Variants in TMEM154 observed in about 807,000 individuals in gnomAD.
TMEM154 encodes transmembrane protein 154.
A neutral mutation model predicts 24.5 loss-of-function variants in TMEM154; 27 were observed. The ratio of observed to expected loss-of-function variants is 1.10; its 90% CI spans 0.81 to 1.52. The LOEUF (loss-of-function observed/expected upper bound fraction) is 1.52. TMEM154 is among the 40% of genes most tolerant of loss of function. The pLI is 0.00. For missense variants in TMEM154, 228 were observed against 213.4 expected (o/e 1.07, Z -0.43); for synonymous variants, 67 against 76.8 (o/e 0.87, Z 0.67).
At chr4:152,665,983 T>A (rs2149789007) in intron 1 of TMEM154, among the ~76,000 whole-genome samples, 1 of 151,944 alleles carries the variant, frequency 6.6e-6, no homozygotes, top group East Asian at 1.9e-4. Context: ...AAACAGGGAG[T>A]CTCACTTTGT....
intron 1 of TMEM154, among the ~76,000 whole-genome samples, chr4:152,664,377 C>A (rs9995061): frequency 2.9e-4 from 38 of 129,456 alleles, no homozygotes; most frequent in Admixed American, 1.2e-3. Flanking sequence ...CCTGTCGTGG[C>A]GGGGGGGTAC....
chr4:152,649,733 G>C lies in TMEM154; in HGVS notation c.364+2805C>G, dbSNP rs556901084. ...CCCCAGTGATGGGAAATGTTATACT[G>C]GCTTATTGGCTAAAATTATACAGGA... On this transcript the variant is annotated intron_variant, in intron 3 of 6. Transcript: ENST00000304385. Among the ~76,000 whole-genome samples the C allele has an allele frequency of 3.3e-5, 5 of 152,232 alleles. No individual in the cohort carries two copies. In the South Asian group the frequency reaches 1.0e-3, roughly 32 times the overall value.
At chr4:152,670,697 CATTT>C (rs1448156445) in intron 1 of TMEM154, among the ~76,000 whole-genome samples, 1 of 152,134 alleles carries the variant, frequency 6.6e-6, no homozygotes, top group African/African-American at 2.4e-5. Flanking sequence ...CTAAAAATAA[CATTT>C]ATCCAAGTAT....
intron 3 of TMEM154, among the ~76,000 whole-genome samples, chr4:152,645,553 G>A (rs1397411256): frequency 1.3e-5 from 2 of 152,198 alleles, no homozygotes; most frequent in Non-Finnish European, 2.9e-5. Context: ...GCATAGGCCT[G>A]CTGCACCATT....
At chr4:152,646,193 C>T (rs1045576875) in intron 3 of TMEM154, among the ~76,000 whole-genome samples, 2 of 152,072 alleles carry the variant, frequency 1.3e-5, no homozygotes, top group African/African-American at 4.8e-5. Context: ...ATGGCCCCAC[C>T]GTTGTGGGCA....
chr4:152,672,688 A>G (rs556963683), intron 1 of TMEM154, among the ~76,000 whole-genome samples: 26 of 152,112 alleles, frequency 1.7e-4, no homozygotes, highest in South Asian at 4.1e-4. Context: ...AGCAAGAAGA[A>G]CTCACAGGCT....
At chr4:152,656,722 G>C (rs1275276853) in intron 1 of TMEM154, among the ~76,000 whole-genome samples, 1 of 152,022 alleles carries the variant, frequency 6.6e-6, no homozygotes, top group African/African-American at 2.4e-5. Flanking sequence ...GGGAGTTCAA[G>C]ACCAGCCTGA....
chr4:152,679,850 A>C lies in TMEM154; in HGVS notation c.64+20T>G. On this transcript the variant is annotated intron_variant, in intron 1 of 6. Coordinates refer to ENST00000304385, the MANE Select transcript of TMEM154 (RefSeq NM_152680.3). ...TTTTGCGATCCTCCTTCCCAGGAGT[A>C]GGAAGTGGAGGCGGCTTACCCCGGC... 2 of 1,601,726 alleles carry C rather than the reference A, an allele frequency of 1.2e-6. No homozygotes were observed. The highest frequency in any genetic ancestry group is 1.7e-6 in the Non-Finnish European group (2 of 1,175,086).
chr4:152,656,778 G>A (rs1482387379), intron 1 of TMEM154, among the ~76,000 whole-genome samples: 2 of 151,792 alleles, frequency 1.3e-5, no homozygotes, highest in Admixed American at 6.6e-5. Flanking sequence ...AAAATTAGCC[G>A]GGCATGGTGG....
chr4:152,640,787 A>G, intron 6 of TMEM154, 141 bp downstream of exon 6: 1 of 683,682 alleles, frequency 1.5e-6, no homozygotes, highest in East Asian at 2.8e-5. Flanking sequence ...TCTTCTCCAC[A>G]CTATGCACAT....
chr4:152,653,906 G>A (rs1317321195), intron 1 of TMEM154, among the ~76,000 whole-genome samples: 2 of 151,762 alleles, frequency 1.3e-5, no homozygotes, highest in South Asian at 4.1e-4. Context: ...GGGCGTGGTG[G>A]TGCATGCCTA....
At chr4:152,655,408 T>C (rs1480716751) in intron 1 of TMEM154, among the ~76,000 whole-genome samples, 1 of 152,210 alleles carries the variant, frequency 6.6e-6, no homozygotes, top group Non-Finnish European at 1.5e-5. Flanking sequence ...GCAATGGCAT[T>C]GCTCCAGAGA....
rs1277977955 is a variant in TMEM154 at position 152,622,367 on chromosome 4, A to T, written c.*6179T>A. On this transcript the variant is annotated 3_prime_UTR_variant, in exon 7 of 7. Transcript: ENST00000304385. ...GGGCAATTAAGAATTATGAATTATG[A>T]ATTCTTTTTCATAGACACAGAAATT... The T allele has an allele frequency of 6.6e-6, 1 of 152,200 alleles. No individual in the cohort carries two copies. Among genetic ancestry groups the T allele is most frequent in the Non-Finnish European group, 1.5e-5 (1 of 68,030 alleles). The allele number at this position is 152,200 out of a possible 1,614,324, so 9.4% of individuals were successfully genotyped here.
intron 1 of TMEM154, among the ~76,000 whole-genome samples, chr4:152,665,241 G>A (rs1235589502): frequency 1.3e-5 from 2 of 152,212 alleles, no homozygotes; most frequent in Admixed American, 6.5e-5. Context: ...TTTAGGGGTA[G>A]AACCCAGGTC....
intron 1 of TMEM154, among the ~76,000 whole-genome samples, chr4:152,672,093 A>T (rs1393499933): frequency 2.0e-4 from 26 of 132,310 alleles, no homozygotes; most frequent in African/African-American, 8.8e-4. Flanking sequence ...ATCTCTATAA[A>T]AAAAAAAAAA....
chr4:152,650,339 A>G (rs924874120), intron 3 of TMEM154, among the ~76,000 whole-genome samples: 2 of 152,144 alleles, frequency 1.3e-5, no homozygotes, highest in East Asian at 1.9e-4. Flanking sequence ...AACAATGTTC[A>G]TGGCATCTTC....
intron 1 of TMEM154, among the ~76,000 whole-genome samples, chr4:152,676,657 G>A (rs906205304): frequency 1.3e-5 from 2 of 152,176 alleles, no homozygotes; most frequent in African/African-American, 4.8e-5. Context: ...AATTGGGACT[G>A]TCCCAGGAAA....
Position 152,623,636 on chromosome 4 carries a change from T to C in TMEM154, c.*4910A>G, listed in dbSNP as rs1219128289. 6.6e-6 allele frequency: 1 copy of C among 152,130 alleles called. No individual in the cohort carries two copies. Among genetic ancestry groups the C allele is most frequent in the Non-Finnish European group, 1.5e-5 (1 of 68,014 alleles). The allele number at this position is 152,130 out of a possible 1,614,324, so 9.4% of individuals were successfully genotyped here. A position where few individuals can be genotyped will look rare whatever the true frequency, so the allele number is the denominator to read the frequency against. ...GGCTTATGCCTATAATCCCAACATG[T>C]TGGGAGGCTGAGGTGGGCGGATCAC... On this transcript the variant is annotated 3_prime_UTR_variant, in exon 7 of 7. Coordinates refer to ENST00000304385, the MANE Select transcript of TMEM154 (RefSeq NM_152680.3).
rs1673218657 is a variant in TMEM154 at position 152,652,984 on chromosome 4, T to C, written c.65-57A>G. ...ATGGAGACAAAGTTAGTATGTTATA[T>C]TGTCAATGATTTTTAAATTATTCCT... On this transcript the variant is annotated intron_variant, in intron 1 of 6. Coordinates refer to ENST00000304385, the MANE Select transcript of TMEM154 (RefSeq NM_152680.3). The C allele has an allele frequency of 1.0e-5, 15 of 1,472,858 alleles. No individual in the cohort carries two copies. In the Admixed American group the frequency reaches 2.7e-4, roughly 26 times the overall value. 91.2% of individuals were successfully genotyped at this position (1,472,858 alleles called of 1,614,324 possible).
Sources: gnomAD v4.1 joint callset for allele counts (sites outside exome capture counted in the v4.1 genomes callset) on GRCh38, gnomAD v4.1.1 for gene constraint, MANE v1.5 for transcripts, NCBI Gene and HGNC (gene_info 2026-07-23, HGNC 2026-07-21) for gene names.